Variants in KALRN observed in about 807,000 individuals in gnomAD.
KALRN encodes kalirin RhoGEF kinase.
KALRN carries 70 observed loss-of-function variants against 353.7 expected under a neutral mutation model. That is an observed-to-expected ratio of 0.20 (90% CI 0.16 to 0.24). The LOEUF (loss-of-function observed/expected upper bound fraction) is 0.24, where lower values mean the gene tolerates loss of function less well. Among genes scored for constraint, KALRN ranks in the 10% least tolerant of loss-of-function variants. The pLI is 1.00. For missense variants in KALRN, 2,791 were observed against 3,756.7 expected, an observed-to-expected ratio of 0.74 and a Z score of 6.72; for synonymous variants, 1,391 against 1,434.8, an observed-to-expected ratio of 0.97 and a Z score of 0.69.
rs1364547872 is a variant in KALRN at position 124,264,675 on chromosome 3, C to G, written c.441C>G (p.Ser147=). The G allele has an allele frequency of 6.2e-7, 1 of 1,613,996 alleles. No homozygotes were observed. The highest frequency in any genetic ancestry group is 8.5e-7 in the Non-Finnish European group (1 of 1,179,980). The change falls in exon 4 of 60, where the codon TCC becomes TCG. Residue 147 remains serine, a synonymous_variant. Coordinates refer to ENST00000682506, the MANE Select transcript of KALRN (RefSeq NM_001388419.1). The part of the protein sequence containing the change: ...WQKQKTNFGS[S]KFIFETSMVS... ...AACAGAAGACCAACTTTGGCAGCTC[C>G]AAATTCATCTTTGAGGTGAGCCAGA...
At chr3:124,137,616 C>T (rs1920622) in intron 1 of KALRN, among the ~76,000 whole-genome samples, 84,020 of 151,960 alleles carry the variant, frequency 0.55, 25,452 homozygotes, top group Non-Finnish European at 0.68. Context: ...TCCTGACTAG[C>T]AGGGCTGCTG....
At chr3:124,355,709 CTT>C (rs3055894) in intron 10 of KALRN, among the ~76,000 whole-genome samples, 5 of 97,410 alleles carry the variant, frequency 5.1e-5, no homozygotes, top group African/African-American at 1.2e-4. Flanking sequence ...TCTCTCCCAT[CTT>C]TTTTTTTTTT....
chr3:124,201,549 A>G (rs1031212341), intron 1 of KALRN, among the ~76,000 whole-genome samples: 4 of 152,120 alleles, frequency 2.6e-5, no homozygotes, highest in African/African-American at 9.7e-5. Flanking sequence ...ATCCTTTGGA[A>G]AAAAAAAGGA....
chr3:124,632,195 C>T (rs780182548), intron 34 of KALRN, among the ~76,000 whole-genome samples: 3 of 152,154 alleles, frequency 2.0e-5, no homozygotes, highest in Non-Finnish European at 2.9e-5. Flanking sequence ...GTCTTCTGCC[C>T]ACTCCTGTAT....
intron 1 of KALRN, among the ~76,000 whole-genome samples, chr3:124,054,646 T>G (rs1216195801): frequency 6.6e-6 from 1 of 152,176 alleles, no homozygotes; most frequent in Non-Finnish European, 1.5e-5. Context: ...ACCAGGGACC[T>G]TCAAACTGCC....
chr3:124,493,731 AGCCGC>A (rs1157409630), intron 32 of KALRN, among the ~76,000 whole-genome samples: 1 of 152,188 alleles, frequency 6.6e-6, no homozygotes, highest in East Asian at 1.9e-4. Context: ...GGGCCTATGA[AGCCGC>A]AGCAGCATTG....
intron 25 of KALRN, among the ~76,000 whole-genome samples, chr3:124,465,642 T>A (rs2060258070): frequency 6.6e-6 from 1 of 152,180 alleles, no homozygotes; most frequent in Non-Finnish European, 1.5e-5. Flanking sequence ...TCAGAAATAC[T>A]TGTCCGAAAT....
chr3:124,641,084 G>A (rs2081993047), intron 37 of KALRN, among the ~76,000 whole-genome samples: 1 of 152,072 alleles, frequency 6.6e-6, no homozygotes, highest in Non-Finnish European at 1.5e-5. Flanking sequence ...AGCTGCCCCT[G>A]GTGCTTTATG....
chr3:124,221,469 G>A (rs2077899869), intron 1 of KALRN, among the ~76,000 whole-genome samples: 1 of 152,186 alleles, frequency 6.6e-6, no homozygotes. Flanking sequence ...ATCAGTTAAT[G>A]GGGAGTAAAC....
chr3:124,244,823 T>G (rs1386189322), intron 3 of KALRN, among the ~76,000 whole-genome samples: 1 of 152,030 alleles, frequency 6.6e-6, no homozygotes, highest in Non-Finnish European at 1.5e-5. Context: ...AATCATGGGC[T>G]TTTTTTAGTT....
At chr3:124,337,971 T>A (rs1379364816) in intron 9 of KALRN, among the ~76,000 whole-genome samples, 1 of 152,224 alleles carries the variant, frequency 6.6e-6, no homozygotes, top group African/African-American at 2.4e-5. Flanking sequence ...TTCTGTGGGA[T>A]CAGTGGTGGT....
intron 10 of KALRN, among the ~76,000 whole-genome samples, chr3:124,348,680 C>T (rs1193751562): frequency 6.6e-6 from 1 of 152,172 alleles, no homozygotes; most frequent in South Asian, 2.1e-4. Context: ...CCAGCAATTC[C>T]ACTTCAGGCT....
chr3:124,378,033 A>G (rs2877797), intron 10 of KALRN, among the ~76,000 whole-genome samples: 28,332 of 151,896 alleles, frequency 0.19, 3,466 homozygotes, highest in East Asian at 0.6. Flanking sequence ...TTATTTAGAC[A>G]ATTTATATTT....
At chr3:124,401,022 C>T (rs1255332829) in intron 13 of KALRN, among the ~76,000 whole-genome samples, 1 of 152,208 alleles carries the variant, frequency 6.6e-6, no homozygotes, top group Non-Finnish European at 1.5e-5. Context: ...TTGACATCGA[C>T]TACACCCCTC....
intron 1 of KALRN, among the ~76,000 whole-genome samples, chr3:124,093,812 G>A (rs554976954): frequency 5.9e-5 from 9 of 152,282 alleles, no homozygotes; most frequent in Non-Finnish European, 1.2e-4. Context: ...AAGTCTGCCT[G>A]GATTCTGTGG....
chr3:124,055,295 G>A (rs903314572), intron 1 of KALRN, among the ~76,000 whole-genome samples: 1 of 152,150 alleles, frequency 6.6e-6, no homozygotes, highest in Non-Finnish European at 1.5e-5. Flanking sequence ...CTGACTGCTG[G>A]AGGGATGCAG....
Position 124,334,365 on chromosome 3 carries a change from T to C in KALRN, c.1517T>C (p.Val506Ala). Residue 506 changes from valine to alanine, a missense_variant, in exon 9 of 60, where the codon GTG becomes GCG. Coordinates refer to ENST00000682506, the MANE Select transcript of KALRN (RefSeq NM_001388419.1). The surrounding 1 kb of genome is among the most constrained non-coding windows in gnomAD (Gnocchi z 4.2). ...GCCACAGCCAACTACTCCAAGGCAG[T>C]GCACCAGGTGCTGGACGTGGTGCAT... Reference protein sequence around the residue: ...LTATANYSKAVHQVLDVVHEV... With the variant: ...LTATANYSKAAHQVLDVVHEV... 6.2e-7 allele frequency: 1 copy of C among 1,614,268 alleles called. No homozygotes were observed. The highest frequency in any genetic ancestry group is 8.5e-7 in the Non-Finnish European group (1 of 1,180,042).
At chr3:124,480,927 T>C (rs2061922451) in intron 27 of KALRN, among the ~76,000 whole-genome samples, 1 of 152,250 alleles carries the variant, frequency 6.6e-6, no homozygotes, top group Non-Finnish European at 1.5e-5. Flanking sequence ...TGTATGAATA[T>C]TCTACATTTT....
chr3:124,466,575 T>C (rs1411585327), intron 25 of KALRN, among the ~76,000 whole-genome samples: 1 of 152,198 alleles, frequency 6.6e-6, no homozygotes, highest in East Asian at 1.9e-4. Flanking sequence ...ACTTCTTCCT[T>C]TTTGGTTTTT....
Sources: gnomAD v4.1 joint callset for allele counts (sites outside exome capture counted in the v4.1 genomes callset) on GRCh38, gnomAD v4.1.1 for gene constraint, Gnocchi (gnomAD v3.1) non-coding constraint, MANE v1.5 for transcripts, NCBI Gene and HGNC (gene_info 2026-07-23, HGNC 2026-07-21) for gene names.